The following SEMA3A variants were observed in gnomAD, a reference collection of about 807,000 sequenced individuals.
The protein encoded by SEMA3A is semaphorin 3A.
SEMA3A carries 29 observed loss-of-function variants against 97.9 expected under a neutral mutation model. The ratio of observed to expected loss-of-function variants is 0.30; its 90% CI spans 0.22 to 0.40. The LOEUF (loss-of-function observed/expected upper bound fraction) is 0.40, where lower values mean the gene tolerates loss of function less well. SEMA3A is among the 10% of genes least tolerant of loss of function. The pLI, the probability that SEMA3A is intolerant of heterozygous loss-of-function variation, is 1.00. For missense variants in SEMA3A, 763 were observed against 951.3 expected (o/e 0.80, Z 2.60); for synonymous variants, 321 against 323.7 (o/e 0.99, Z 0.09).
At chr7:84,351,641 A>G (rs562534351) in intron 2 of SEMA3A, among the ~76,000 whole-genome samples, 27 of 152,246 alleles carry the variant, frequency 1.8e-4, no homozygotes, top group African/African-American at 6.5e-4. Context: ...ACTGATCATC[A>G]GAGAAATGAA....
intron 4 of SEMA3A, among the ~76,000 whole-genome samples, chr7:84,085,520 T>C (rs1794306110): frequency 6.6e-6 from 1 of 151,968 alleles, no homozygotes; most frequent in Non-Finnish European, 1.5e-5. Flanking sequence ...CTGAGGAATA[T>C]CCTGAATCAT....
chr7:84,480,033 T>C (rs1025174123), intron 1 of SEMA3A, among the ~76,000 whole-genome samples: 1 of 152,324 alleles, frequency 6.6e-6, no homozygotes, highest in South Asian at 2.1e-4. Context: ...ATTTAAGGCA[T>C]ACTGCATCAC....
rs1236301455 is a variant in SEMA3A, at chr7:84,098,192, A to G, written c.453+12278T>C. Among the ~76,000 whole-genome samples, 4 of 152,086 alleles carry G rather than the reference A, an allele frequency of 2.6e-5. No individual in the cohort carries two copies. The East Asian group carries it at 7.7e-4, about 29-fold the overall frequency. Reference sequence around the variant, plus strand: ...TGTGTATTTAAAATATTACATGATCATAATATTAGGAAAAAGTAAAAAGAC... The same window carrying G: ...TGTGTATTTAAAATATTACATGATCGTAATATTAGGAAAAAGTAAAAAGAC... On this transcript the variant is annotated intron_variant, in intron 4 of 16. Transcript: ENST00000265362.
chr7:84,091,998 C>A (rs1198892489), intron 4 of SEMA3A, among the ~76,000 whole-genome samples: 2 of 152,072 alleles, frequency 1.3e-5, no homozygotes, highest in Non-Finnish European at 1.5e-5. Flanking sequence ...GAATTCTAGG[C>A]AGAGTACCCT....
At chr7:84,316,480 ACTC>A (rs1376697970) in intron 2 of SEMA3A, among the ~76,000 whole-genome samples, 8 of 152,012 alleles carry the variant, frequency 5.3e-5, no homozygotes, top group African/African-American at 1.7e-4. Context: ...TATACAAAAA[ACTC>A]CTTAGTTTTT....
At position 84,147,623 on chromosome 7, in the gene SEMA3A, T is replaced by G. The variant is rs147533305; in HGVS notation, c.113-12672A>C. Among the ~76,000 whole-genome samples the G allele has an allele frequency of 6.6e-3, 1,007 of 152,250 alleles. 13 individuals are homozygous for G. Among genetic ancestry groups the G allele is most frequent in the African/African-American group, 0.023 (946 of 41,532 alleles). On this transcript the variant is annotated intron_variant, in intron 1 of 16. Coordinates refer to ENST00000265362, the MANE Select transcript of SEMA3A (RefSeq NM_006080.3). ...CGGCAGAAATTACCTAAACCCTAGA[T>G]TTGTCTGACAACAGGTGCTCAGTAA...
At chr7:83,970,410 C>A (rs1788867224) in intron 15 of SEMA3A, among the ~76,000 whole-genome samples, 1 of 152,176 alleles carries the variant, frequency 6.6e-6, no homozygotes, top group Non-Finnish European at 1.5e-5. Context: ...ATTTGATTCT[C>A]TTCCAATATA....
At position 84,153,710 on chromosome 7, in the gene SEMA3A, T is replaced by C. The variant is rs187170685; in HGVS notation, c.113-18759A>G. Among the ~76,000 whole-genome samples the C allele has an allele frequency of 6.1e-3, 930 of 152,288 alleles. 5 individuals are homozygous for C. Among genetic ancestry groups the C allele is most frequent in the South Asian group, 0.016 (76 of 4,832 alleles). Reference sequence around the variant, plus strand: ...AAAATGTTACTTTAATAAAATTTACTTTTAATTATAAAGACTTTTATTTCC... The same window carrying C: ...AAAATGTTACTTTAATAAAATTTACCTTTAATTATAAAGACTTTTATTTCC... On this transcript the variant is annotated intron_variant, in intron 1 of 16. Coordinates refer to ENST00000265362, the MANE Select transcript of SEMA3A (RefSeq NM_006080.3).
intron 2 of SEMA3A, among the ~76,000 whole-genome samples, chr7:84,326,396 G>T (rs1208354676): frequency 1.3e-5 from 2 of 151,962 alleles, no homozygotes; most frequent in Non-Finnish European, 2.9e-5. Context: ...TGAATTATTT[G>T]CTTTTGACTG....
Position 84,432,860 on chromosome 7 carries a change from A to ATTT in SEMA3A, c.-246+59597_-246+59599dup, listed in dbSNP as rs34970127. Among the ~76,000 whole-genome samples the ATTT allele has an allele frequency of 2.0e-3, 280 of 138,918 alleles. 1 individual carries two copies. Among genetic ancestry groups the ATTT allele is most frequent in the Middle Eastern group, 3.9e-3 (1 of 256 alleles). The allele number at this position is 138,918 out of a possible 152,430, so 91.1% of individuals were successfully genotyped here. On this transcript the variant is annotated intron_variant, in intron 1 of 3. Transcript: ENST00000424555. ...TGCTGTGATGAACATACAAATGTGA[A>ATTT]TTTTTTTTTTTTTTTTTGTAGAACA...
At chr7:84,491,198 A>C (rs2116453750) in intron 1 of SEMA3A, among the ~76,000 whole-genome samples, 1 of 152,266 alleles carries the variant, frequency 6.6e-6, no homozygotes, top group Admixed American at 6.5e-5. Flanking sequence ...TTAGAAAATA[A>C]AAACAAAACA....
chr7:83,984,288 A>G (rs1053130814), intron 13 of SEMA3A, among the ~76,000 whole-genome samples: 9 of 152,150 alleles, frequency 5.9e-5, no homozygotes, highest in African/African-American at 1.9e-4. Context: ...AACAATTTTC[A>G]GATTACGAGA....
In SEMA3A at chr7:84,134,729, A is replaced by G. The variant is rs1562803533; in HGVS notation, c.270+65T>C. The G allele has an allele frequency of 4.9e-6, 6 of 1,224,830 alleles. No homozygotes were observed. In the South Asian group the frequency reaches 8.6e-5, roughly 18 times the overall value. 75.9% of individuals were successfully genotyped at this position (1,224,830 alleles called of 1,614,324 possible). A position where few individuals can be genotyped will look rare whatever the true frequency, so the allele number is the denominator to read the frequency against. On this transcript the variant is annotated intron_variant, in intron 2 of 16. Coordinates refer to ENST00000265362, the MANE Select transcript of SEMA3A (RefSeq NM_006080.3). The stretch of plus-strand genomic sequence containing the variant: ...TCAGTAATCATGCTTTTAAATAGCT[A>G]GAGAATTATCTATAACTTGAGATGC...
At chr7:84,414,680 T>C (rs1446891481) in intron 1 of SEMA3A, among the ~76,000 whole-genome samples, 7 of 152,028 alleles carry the variant, frequency 4.6e-5, no homozygotes, top group Non-Finnish European at 7.4e-5. Context: ...TGGGACATTC[T>C]ATCAGAAAAT....
At chr7:84,242,225 G>A (rs1456919731) in intron 3 of SEMA3A, among the ~76,000 whole-genome samples, 2 of 152,094 alleles carry the variant, frequency 1.3e-5, no homozygotes, top group East Asian at 3.9e-4. Context: ...TGGGCAGTAT[G>A]GCCATTTTCA....
At chr7:84,261,960 GA>G (rs1282853507) in intron 3 of SEMA3A, among the ~76,000 whole-genome samples, 2 of 148,370 alleles carry the variant, frequency 1.3e-5, no homozygotes, top group East Asian at 5.3e-4. Flanking sequence ...TTTTTTCTTA[GA>G]GAGGAAATCC....
At position 84,250,203 on chromosome 7, in the gene SEMA3A, T is replaced by A. The variant is rs568070576; in HGVS notation, c.-82-55535A>T. On this transcript the variant is annotated intron_variant, in intron 3 of 3. Coordinates refer to the SEMA3A transcript ENST00000424555. ...GGCATAAAACACAATTTCTTATGTA[T>A]CACTTTATTACTTAGAGATATATAA... Among the ~76,000 whole-genome samples, 41 of 152,062 alleles carry A rather than the reference T, an allele frequency of 2.7e-4. No homozygotes were observed. The East Asian group carries it at 7.3e-3, about 27-fold the overall frequency.
At chr7:84,303,442 CTG>C (rs1366427780) in intron 3 of SEMA3A, among the ~76,000 whole-genome samples, 1 of 151,250 alleles carries the variant, frequency 6.6e-6, no homozygotes, top group Admixed American at 6.6e-5. Context: ...AGAAAACAGA[CTG>C]AGATATAAAT....
At chr7:84,465,187 G>T (rs755961268) in intron 1 of SEMA3A, among the ~76,000 whole-genome samples, 1 of 152,124 alleles carries the variant, frequency 6.6e-6, no homozygotes, top group Non-Finnish European at 1.5e-5. Context: ...TAATTAGGAA[G>T]ATTATATACA....
Sources: gnomAD v4.1 joint callset for allele counts (sites outside exome capture counted in the v4.1 genomes callset) on GRCh38, gnomAD v4.1.1 for gene constraint, MANE v1.5 for transcripts, NCBI Gene and HGNC (gene_info 2026-07-23, HGNC 2026-07-21) for gene names.